Variants in PDGFC observed in about 807,000 individuals in gnomAD.
The protein encoded by PDGFC is platelet derived growth factor C.
PDGFC carries 12 observed loss-of-function variants against 35.5 expected under a neutral mutation model. The ratio of observed to expected loss-of-function variants is 0.34; its 90% CI spans 0.22 to 0.55. PDGFC has a LOEUF of 0.55. Ranked by LOEUF, PDGFC falls within the 20% of genes least tolerant of loss-of-function variation. PDGFC has a pLI of 0.91. For synonymous variants in PDGFC, 159 were observed against 148.8 expected (o/e 1.07, Z -0.50); for missense variants, 322 against 412.4 (o/e 0.78, Z 1.90).
chr4:156,877,154 G>A (rs1261100363), intron 1 of PDGFC, among the ~76,000 whole-genome samples: 1 of 151,804 alleles, frequency 6.6e-6, no homozygotes, highest in Non-Finnish European at 1.5e-5. Flanking sequence ...AGGTACATGA[G>A]ATATGTTGAT....
chr4:156,824,782 T>C (rs776882282), intron 2 of PDGFC, among the ~76,000 whole-genome samples: 1 of 151,902 alleles, frequency 6.6e-6, no homozygotes, highest in Non-Finnish European at 1.5e-5. Flanking sequence ...CAAAGGACAC[T>C]ATTCATAGTC....
intron 2 of PDGFC, among the ~76,000 whole-genome samples, chr4:156,824,285 CATATATATATATATATATATAT>C (rs58698115): frequency 0.018 from 1,665 of 92,852 alleles, 60 homozygotes; most frequent in Middle Eastern, 0.054. Flanking sequence ...ACAATGTAAG[CATATATATATATATATATATAT>C]ATATATATAT....
chr4:156,884,745 T>C (rs1730333746), intron 1 of PDGFC, among the ~76,000 whole-genome samples: 2 of 152,220 alleles, frequency 1.3e-5, no homozygotes. Context: ...GAAATTCAAT[T>C]TGTCTATATC....
chr4:156,929,425 G>A (rs1731495468), intron 1 of PDGFC, among the ~76,000 whole-genome samples: 1 of 147,994 alleles, frequency 6.8e-6, no homozygotes, highest in African/African-American at 2.5e-5. Context: ...ATCTTATAAT[G>A]ACCATTTTCA....
intron 3 of PDGFC, among the ~76,000 whole-genome samples, chr4:156,803,757 T>C (rs1328284805): frequency 6.6e-6 from 1 of 152,156 alleles, no homozygotes; most frequent in Non-Finnish European, 1.5e-5. Context: ...GTAAAAAATG[T>C]ATATAGAAAA....
At chr4:156,968,453 AT>A (rs1732516703) in intron 1 of PDGFC, among the ~76,000 whole-genome samples, 2 of 152,204 alleles carry the variant, frequency 1.3e-5, no homozygotes. Context: ...AAATTCAATC[AT>A]AATTCAGTAT....
chr4:156,934,869 C>A (rs758782308), intron 1 of PDGFC, among the ~76,000 whole-genome samples: 1 of 152,178 alleles, frequency 6.6e-6, no homozygotes, highest in South Asian at 2.1e-4. Flanking sequence ...TATTTTATCC[C>A]ACTGGAAGGT....
chr4:156,855,829 G>C (rs142239297), intron 1 of PDGFC, among the ~76,000 whole-genome samples: 15 of 152,190 alleles, frequency 9.9e-5, no homozygotes, highest in African/African-American at 2.6e-4. Context: ...ACAACTGTTA[G>C]TTAAAATCAT....
chr4:156,762,473 T>C lies in PDGFC; in HGVS notation c.*617A>G, dbSNP rs1368798996. ...TTCCAAACCATGAATGTAGTTCTCT[T>C]CTTCTAAATGGCAGAAATTTTAATA... is the stretch of plus-strand genomic sequence containing the variant. On this transcript the variant is annotated 3_prime_UTR_variant, in exon 6 of 6. Transcript: ENST00000502773. 3 of 152,454 alleles carry C rather than the reference T, an allele frequency of 2.0e-5. No individual in the cohort carries two copies. Among genetic ancestry groups the C allele is most frequent in the Non-Finnish European group, 2.9e-5 (2 of 68,020 alleles). The allele number at this position is 152,454 out of a possible 1,614,324, so 9.4% of individuals were successfully genotyped here. A position where few individuals can be genotyped will look rare whatever the true frequency, so the allele number is the denominator to read the frequency against.
chr4:156,895,101 T>C (rs1730600156), intron 1 of PDGFC, among the ~76,000 whole-genome samples: 1 of 152,224 alleles, frequency 6.6e-6, no homozygotes, highest in Admixed American at 6.5e-5. Context: ...ATATGCATCC[T>C]AAAGGGGAGG....
intron 2 of PDGFC, among the ~76,000 whole-genome samples, chr4:156,837,456 C>G (rs1386257929): frequency 6.6e-6 from 1 of 151,922 alleles, no homozygotes; most frequent in African/African-American, 2.4e-5. Flanking sequence ...CAATAGATAA[C>G]TAGCTAGCTA....
Position 156,762,019 on chromosome 4 carries a change from T to G in PDGFC, c.*1071A>C, listed in dbSNP as rs1164052200. 1 of 152,658 alleles carries G rather than the reference T, an allele frequency of 6.6e-6. No individual in the cohort carries two copies. The highest frequency in any genetic ancestry group is 1.5e-5 in the Non-Finnish European group (1 of 68,040). 9.5% of individuals were successfully genotyped at this position (152,658 alleles called of 1,614,324 possible). ...GGATCTGAATGTCTACTTTCATAAG[T>G]TGCTTTTTATTTTCATCTCCAATAA... On this transcript the variant is annotated 3_prime_UTR_variant, in exon 6 of 6. Transcript: ENST00000502773.
Position 156,910,928 on chromosome 4 carries a change from A to G in PDGFC, c.118+59858T>C, listed in dbSNP as rs914535491. 2.6e-5 allele frequency among the ~76,000 whole-genome samples: 4 copies of G among 152,166 alleles called. No individual in the cohort carries two copies. The South Asian group carries it at 6.2e-4, about 24-fold the overall frequency. On this transcript the variant is annotated intron_variant, in intron 1 of 5. Coordinates refer to ENST00000502773, the MANE Select transcript of PDGFC (RefSeq NM_016205.3). ...CAGTTGAGTTTTGAGAGTCCTTTAT[A>G]TATCATATACACAAATCCTTTGTCA...
chr4:156,959,201 T>C (rs1467267268), intron 1 of PDGFC, among the ~76,000 whole-genome samples: 1 of 152,056 alleles, frequency 6.6e-6, no homozygotes, highest in Non-Finnish European at 1.5e-5. Flanking sequence ...ATTTTAGGTA[T>C]GCTTTCCAAG....
At position 156,821,359 on chromosome 4, in the gene PDGFC, A is replaced by C. The variant is rs192752357; in HGVS notation, c.315-10342T>G. Among the ~76,000 whole-genome samples, 57 of 152,012 alleles carry C rather than the reference A, an allele frequency of 3.7e-4. 2 individuals are homozygous for C. In the East Asian group the frequency reaches 9.1e-3, roughly 24 times the overall value. On this transcript the variant is annotated intron_variant, in intron 2 of 5. Coordinates refer to ENST00000502773, the MANE Select transcript of PDGFC (RefSeq NM_016205.3). ...TTCTTCCTACCTCAGCCTCCCAAGC[A>C]GCTGGGACTACAGGTGCGAGGCATC...
intron 1 of PDGFC, among the ~76,000 whole-genome samples, chr4:156,883,099 A>C (rs1350296586): frequency 6.6e-6 from 1 of 151,866 alleles, no homozygotes; most frequent in Non-Finnish European, 1.5e-5. Context: ...AAAAAAAAAA[A>C]AGAAAATGCC....
chr4:156,794,237 A>G (rs980067479), intron 3 of PDGFC, among the ~76,000 whole-genome samples: 2 of 152,160 alleles, frequency 1.3e-5, no homozygotes, highest in Non-Finnish European at 2.9e-5. Flanking sequence ...TTACACATTC[A>G]ACCATCTTTC....
At chr4:156,892,230 T>C (rs1163189547) in intron 1 of PDGFC, among the ~76,000 whole-genome samples, 1 of 152,198 alleles carries the variant, frequency 6.6e-6, no homozygotes, top group Non-Finnish European at 1.5e-5. Flanking sequence ...GAACCAATAG[T>C]GGCAGATATT....
chr4:156,824,732 T>G (rs901495968), intron 2 of PDGFC, among the ~76,000 whole-genome samples: 1 of 152,130 alleles, frequency 6.6e-6, no homozygotes. Flanking sequence ...GATTTAGGCA[T>G]CTAATACATC....
Sources: allele counts gnomAD v4.1 joint callset (sites outside exome capture counted in the v4.1 genomes callset), GRCh38; gene constraint gnomAD v4.1.1; transcripts MANE v1.5; gene names NCBI Gene and HGNC (gene_info 2026-07-23, HGNC 2026-07-21).